Variants in PHACTR1 observed in about 807,000 individuals in gnomAD.
The protein encoded by PHACTR1 is RPEL repeat containing 1.
Under a neutral mutation model 69.2 loss-of-function variants are expected in PHACTR1, and 16 were observed. The ratio of observed to expected loss-of-function variants is 0.23; its 90% CI spans 0.16 to 0.35. The LOEUF is 0.35. Ranked by LOEUF, PHACTR1 falls within the 10% of genes least tolerant of loss-of-function variation. PHACTR1 has a pLI of 1.00. For synonymous variants in PHACTR1, 312 were observed against 284.5 expected (o/e 1.10, Z -0.97); for missense variants, 510 against 734.7 (o/e 0.69, Z 3.54).
chr6:13,127,139 A>G (rs952615310), intron 5 of PHACTR1, among the ~76,000 whole-genome samples: 3 of 152,174 alleles, frequency 2.0e-5, no homozygotes, highest in Admixed American at 6.5e-5. Flanking sequence ...CTAGGAAGAT[A>G]AGGGTTCGTT....
chr6:12,888,986 G>A (rs1187513735), intron 4 of PHACTR1, among the ~76,000 whole-genome samples: 1 of 152,168 alleles, frequency 6.6e-6, no homozygotes, highest in Non-Finnish European at 1.5e-5. Context: ...AAGTCAATGG[G>A]GTAAGGCCAG....
rs1220863760 is a variant in PHACTR1 at position 12,770,072 on chromosome 6, G to A, written c.250+20282G>A. 3.7e-4 allele frequency among the ~76,000 whole-genome samples: 57 copies of A among 152,220 alleles called. 2 individuals carry two copies. ...TTTGAAATGTCACAGGATGTGGGAA[G>A]CAGGGTATGAGTCAGTGAAGACTTC... On this transcript the variant is annotated intron_variant, in intron 4 of 14. Coordinates refer to ENST00000332995, the MANE Select transcript of PHACTR1 (RefSeq NM_030948.6).
chr6:13,039,461 A>G (rs1258434396), intron 4 of PHACTR1, among the ~76,000 whole-genome samples: 1 of 152,172 alleles, frequency 6.6e-6, no homozygotes, highest in Non-Finnish European at 1.5e-5. Flanking sequence ...TGCCTTCAGA[A>G]TCAATTTCAG....
chr6:13,133,082 A>G (rs1365523207), intron 5 of PHACTR1, among the ~76,000 whole-genome samples: 1 of 152,148 alleles, frequency 6.6e-6, no homozygotes, highest in Non-Finnish European at 1.5e-5. Context: ...TGTTCACAGC[A>G]TCTTTATCAG....
At chr6:13,232,045 G>C (rs952199072) in intron 10 of PHACTR1, among the ~76,000 whole-genome samples, 1 of 152,178 alleles carries the variant, frequency 6.6e-6, no homozygotes, top group Non-Finnish European at 1.5e-5. Context: ...CTCTTACTAG[G>C]TGTATAGCCT....
chr6:12,777,415 G>A (rs1409926289), intron 4 of PHACTR1, among the ~76,000 whole-genome samples: 1 of 151,606 alleles, frequency 6.6e-6, no homozygotes, highest in Non-Finnish European at 1.5e-5. Context: ...CTCTCAAGTA[G>A]GCCCAGGTAT....
chr6:12,738,397 G>C (rs1034996512), intron 3 of PHACTR1, among the ~76,000 whole-genome samples: 1 of 152,142 alleles, frequency 6.6e-6, no homozygotes. Flanking sequence ...AGTGTATGGG[G>C]GGAAACTTTA....
intron 8 of PHACTR1, among the ~76,000 whole-genome samples, chr6:13,213,131 A>G (rs1767134645): frequency 6.6e-6 from 1 of 152,200 alleles, no homozygotes; most frequent in South Asian, 2.1e-4. Flanking sequence ...AGAATAACTG[A>G]ATGAATGGAG....
intron 4 of PHACTR1, among the ~76,000 whole-genome samples, chr6:12,839,494 G>A (rs989015140): frequency 2.6e-5 from 4 of 152,112 alleles, no homozygotes; most frequent in African/African-American, 7.2e-5. Context: ...AGAGTAGCCA[G>A]GCTACTTCTG....
intron 4 of PHACTR1, chr6:12,934,119 G>C (rs1370265957): frequency 1.3e-6 from 1 of 763,282 alleles, no homozygotes; most frequent in Admixed American, 3.2e-5. Flanking sequence ...TCCAGCTTCT[G>C]GCAGCAGTTG....
intron 5 of PHACTR1, among the ~76,000 whole-genome samples, chr6:13,145,561 A>T (rs1198545767): frequency 6.6e-6 from 1 of 152,196 alleles, no homozygotes; most frequent in Non-Finnish European, 1.5e-5. Flanking sequence ...TGGAGCCCTA[A>T]CCCACACGTG....
chr6:13,182,725 C>T, intron 7 of PHACTR1, 39 bp downstream of exon 7: 1 of 1,473,600 alleles, frequency 6.8e-7, no homozygotes, highest in Non-Finnish European at 9.0e-7. Flanking sequence ...GTCCCAGACA[C>T]CAAGTCCAGC....
At chr6:12,874,651 A>G (rs1315458647) in intron 4 of PHACTR1, among the ~76,000 whole-genome samples, 1 of 152,334 alleles carries the variant, frequency 6.6e-6, no homozygotes, top group East Asian at 1.9e-4. Context: ...CTGCAATTAA[A>G]TGTGATCAAA....
At chr6:13,150,415 C>G (rs1039470423) in intron 5 of PHACTR1, among the ~76,000 whole-genome samples, 4 of 152,030 alleles carry the variant, frequency 2.6e-5, no homozygotes, top group Non-Finnish European at 4.4e-5. Context: ...CTTGGATTAT[C>G]AAGTAATTGA....
chr6:12,798,720 T>A (rs1773368621), intron 4 of PHACTR1, among the ~76,000 whole-genome samples: 1 of 152,204 alleles, frequency 6.6e-6, no homozygotes, highest in African/African-American at 2.4e-5. Flanking sequence ...AAGGAAGCTG[T>A]TTTTCATGCT....
At chr6:13,188,550 T>C (rs935500007) in intron 7 of PHACTR1, among the ~76,000 whole-genome samples, 2 of 152,208 alleles carry the variant, frequency 1.3e-5, no homozygotes, top group African/African-American at 4.8e-5. Context: ...TCTGGTAGAA[T>C]GCTGGAGGAA....
At chr6:13,118,471 A>AAT (rs1491386472) in intron 5 of PHACTR1, among the ~76,000 whole-genome samples, 52 of 72,830 alleles carry the variant, frequency 7.1e-4, no homozygotes, top group Middle Eastern at 8.8e-3. Flanking sequence ...AACCAGGGCC[A>AAT]TTTTTTTTTT....
At chr6:12,961,018 G>A (rs1490665367) in intron 4 of PHACTR1, among the ~76,000 whole-genome samples, 2 of 152,138 alleles carry the variant, frequency 1.3e-5, no homozygotes, top group Non-Finnish European at 2.9e-5. Context: ...CCTTAAGTTT[G>A]GCATTCCATG....
intron 4 of PHACTR1, among the ~76,000 whole-genome samples, chr6:12,881,685 G>A (rs902913500): frequency 3.3e-5 from 5 of 152,076 alleles, no homozygotes; most frequent in African/African-American, 1.2e-4. Context: ...TGGTCCTGTT[G>A]CCCACGGAAT....
Sources: gnomAD v4.1 joint callset for allele counts (sites outside exome capture counted in the v4.1 genomes callset) on GRCh38, gnomAD v4.1.1 for gene constraint, MANE v1.5 for transcripts, NCBI Gene and HGNC (gene_info 2026-07-23, HGNC 2026-07-21) for gene names.